ANKRD30A: variants seen among roughly 807,000 people sequenced by gnomAD.
ANKRD30A encodes the protein ankyrin repeat domain-containing protein 30A.
ANKRD30A carries 170 observed loss-of-function variants against 166.3 expected under a neutral mutation model. The ratio of observed to expected loss-of-function variants is 1.02; its 90% CI spans 0.90 to 1.16. The LOEUF (loss-of-function observed/expected upper bound fraction) is 1.16. Among genes scored for constraint, ANKRD30A ranks in the 50% most tolerant of loss-of-function variants. The pLI, the probability that ANKRD30A is intolerant of heterozygous loss-of-function variation, is 0.00. For missense variants in ANKRD30A, 1,630 were observed against 1,518.0 expected (o/e 1.07, Z -1.23); for synonymous variants, 564 against 508.9 (o/e 1.11, Z -1.46).
intron 34 of ANKRD30A, among the ~76,000 whole-genome samples, chr10:37,221,979 T>G (rs1368206546): frequency 6.6e-6 from 1 of 151,400 alleles, no homozygotes; most frequent in East Asian, 1.9e-4. Flanking sequence ...TTTTTAATTA[T>G]ATTGTATAAA....
At position 37,219,316 on chromosome 10, in the gene ANKRD30A, C is replaced by G. The variant is rs561896727; in HGVS notation, c.3604C>G (p.Leu1202Val). 2 of 1,610,292 alleles carry G rather than the reference C, an allele frequency of 1.2e-6. No homozygotes were observed. ...AGAAATTGAATCACACCATCCTAGACTGGCTTCTGCTGTACAAGACCATGA... is the reference window on the plus strand; with the variant it reads ...AGAAATTGAATCACACCATCCTAGAGTGGCTTCTGCTGTACAAGACCATGA... The part of the protein sequence containing the change: ...EAEIESHHPR[L>V]ASAVQDHDQI... The change falls in exon 34 of 36, where the codon CTG becomes GTG. Residue 1202 changes from leucine to valine, a missense_variant. This residue lies in a region of ANKRD30A where 712 missense variants were observed against 629.3 expected (regional missense o/e 1.13). Transcript: ENST00000361713.
chr10:37,246,357 T>A, the ANKRD30A span, among the ~76,000 whole-genome samples: 10 of 152,354 alleles, frequency 6.6e-5, no homozygotes, highest in Middle Eastern at 3.4e-3. Context: ...TAAACTGAAC[T>A]TGATTGTGAT....
chr10:37,183,302 A>T (rs1462882354), intron 24 of ANKRD30A, among the ~76,000 whole-genome samples: 3 of 145,814 alleles, frequency 2.1e-5, no homozygotes, highest in Middle Eastern at 3.2e-3. Flanking sequence ...TTTAGAAAAT[A>T]TCAGTAAATA....
At chr10:37,202,257 T>C (rs1841673415) in intron 31 of ANKRD30A, among the ~76,000 whole-genome samples, 2 of 152,072 alleles carry the variant, frequency 1.3e-5, no homozygotes, top group Non-Finnish European at 1.5e-5. Flanking sequence ...CCTCAGCAAA[T>C]GTAAAAGAAC....
At chr10:37,183,276 A>G (rs1840156969) in intron 24 of ANKRD30A, among the ~76,000 whole-genome samples, 1 of 147,028 alleles carries the variant, frequency 6.8e-6, no homozygotes, top group African/African-American at 2.5e-5. Context: ...AGTCTGAAAA[A>G]TTTTAGTTTA....
chr10:37,128,572 A>C (rs1836192042), intron 1 of ANKRD30A, among the ~76,000 whole-genome samples: 1 of 152,066 alleles, frequency 6.6e-6, no homozygotes, highest in Non-Finnish European at 1.5e-5. Context: ...TAAAAGAGCA[A>C]ATATAAGTGC....
intron 31 of ANKRD30A, among the ~76,000 whole-genome samples, chr10:37,210,886 A>G (rs928800754): frequency 2.6e-5 from 4 of 152,064 alleles, no homozygotes; most frequent in Non-Finnish European, 2.9e-5. Context: ...AGATGGATAG[A>G]TTGCAAAAAT....
rs1841605965 is a variant in ANKRD30A, at chr10:37,201,298, A to G, written c.2842A>G (p.Met948Val). The G allele has an allele frequency of 6.3e-7, 1 of 1,593,730 alleles. No homozygotes were observed. Among genetic ancestry groups the G allele is most frequent in the Non-Finnish European group, 8.5e-7 (1 of 1,171,440 alleles). The change falls in exon 31 of 36, where the codon ATG becomes GTG. Residue 948 changes from methionine (M) to valine (V), a missense_variant. Transcript: ENST00000361713. ...ACCCAAGGCTACACATCAAAAAGAA[A>G]TGGATAAAATAAGTGGAAAATTAGA... is the stretch of plus-strand genomic sequence containing the variant. ...CVPKATHQKEMDKISGKLEDS... is the reference protein window; with the variant it reads ...CVPKATHQKEVDKISGKLEDS...
chr10:37,167,118 AT>A (rs1839416584), intron 19 of ANKRD30A, among the ~76,000 whole-genome samples: 1 of 151,710 alleles, frequency 6.6e-6, no homozygotes, highest in Non-Finnish European at 1.5e-5. Context: ...ATGATTTTGG[AT>A]TTTCTATGAA....
At chr10:37,164,442 C>A (rs1839143479) in intron 17 of ANKRD30A, among the ~76,000 whole-genome samples, 1 of 151,698 alleles carries the variant, frequency 6.6e-6, no homozygotes, top group African/African-American at 2.4e-5. Context: ...CACAAGCTGA[C>A]TCTGAAGATA....
In ANKRD30A at chr10:37,189,701, G is replaced by GTGTC. The variant is rs1489701101; in HGVS notation, c.2512+146_2512+149dup. ...GAGAAGTGCAATGGTCATAAGCTAT[G>GTGTC]TGTCTCATCAGGCATTGGCAACAGA... On this transcript the variant is annotated intron_variant, in intron 25 of 35. Transcript: ENST00000361713. The GTGTC allele has an allele frequency of 2.4e-5, 15 of 617,412 alleles. No individual in the cohort carries two copies. In the Admixed American group the frequency reaches 4.4e-4, roughly 18 times the overall value. 38.2% of individuals were successfully genotyped at this position (617,412 alleles called of 1,614,324 possible). A position where few individuals can be genotyped will look rare whatever the true frequency, so the allele number is the denominator to read the frequency against.
At chr10:37,160,941 G>T (rs1373085546) in intron 15 of ANKRD30A, among the ~76,000 whole-genome samples, 2 of 152,092 alleles carry the variant, frequency 1.3e-5, no homozygotes, top group Admixed American at 1.3e-4. Flanking sequence ...ATAAACAAAA[G>T]ATAGTTACAC....
chr10:37,220,029 A>ATATATATATATATATATATATATG (rs1366777838), intron 34 of ANKRD30A, 132 bp downstream of exon 34: 4 of 148,452 alleles, frequency 2.7e-5, no homozygotes, highest in Admixed American at 9.1e-5. Context: ...ATATATATAT[A>ATATATATATATATATATATATATG]ATATATGTAT....
chr10:37,194,806 C>CGGT (rs1445507915), intron 27 of ANKRD30A, among the ~76,000 whole-genome samples: 3 of 152,128 alleles, frequency 2.0e-5, no homozygotes, highest in African/African-American at 7.2e-5. Context: ...TTTAATTAGA[C>CGGT]CGTCTTTTCT....
intron 25 of ANKRD30A, among the ~76,000 whole-genome samples, chr10:37,189,760 C>A (rs28642959): frequency 6.7e-6 from 1 of 148,524 alleles, no homozygotes; most frequent in East Asian, 2.0e-4. Context: ...AGCTGAATTA[C>A]TAGTTTAAAT....
chr10:37,234,920 G>A (rs1319318345), downstream of ANKRD30A, among the ~76,000 whole-genome samples: 3 of 152,182 alleles, frequency 2.0e-5, no homozygotes, highest in East Asian at 5.8e-4. Flanking sequence ...GTGGAACATT[G>A]TGTCATATCA....
chr10:37,162,114 T>C (rs551651806), intron 15 of ANKRD30A, among the ~76,000 whole-genome samples: 2 of 152,266 alleles, frequency 1.3e-5, no homozygotes, highest in African/African-American at 4.8e-5. Context: ...TACAGAAATA[T>C]AGGCATATGA....
chr10:37,149,902 T>C, intron 11 of ANKRD30A, 53 bp downstream of exon 11: 2 of 1,604,260 alleles, frequency 1.2e-6, no homozygotes, highest in Non-Finnish European at 1.7e-6. Context: ...ATTGGACATT[T>C]TGATGGTCTT....
At chr10:37,207,229 G>T (rs1842046944) in intron 31 of ANKRD30A, among the ~76,000 whole-genome samples, 1 of 152,004 alleles carries the variant, frequency 6.6e-6, no homozygotes, top group Non-Finnish European at 1.5e-5. Context: ...TTTACATTCA[G>T]CTAAACTCTC....
Sources: allele counts gnomAD v4.1 joint callset (sites outside exome capture counted in the v4.1 genomes callset), GRCh38; gene constraint gnomAD v4.1.1; regional missense constraint gnomAD v4.1.1; transcripts MANE v1.5; gene names NCBI Gene and HGNC (gene_info 2026-07-23, HGNC 2026-07-21).